Variants in RAB39A observed in about 807,000 individuals in gnomAD.
RAB39A encodes RAB39A, member RAS oncogene family.
RAB39A carries 17 observed loss-of-function variants against 20.9 expected under a neutral mutation model. The ratio of observed to expected loss-of-function variants is 0.81; its 90% confidence interval spans 0.56 to 1.22. The LOEUF (loss-of-function observed/expected upper bound fraction) is 1.22, where lower values mean the gene tolerates loss of function less well. RAB39A is among the 50% of genes most tolerant of loss of function. The pLI is 0.00. For synonymous variants in RAB39A, 99 were observed against 103.4 expected (o/e 0.96, Z 0.26); for missense variants, 234 against 270.5 (o/e 0.87, Z 0.95).
intron 1 of RAB39A, among the ~76,000 whole-genome samples, chr11:107,936,235 C>G (rs558764352): frequency 6.6e-6 from 1 of 152,160 alleles, no homozygotes; most frequent in Non-Finnish European, 1.5e-5. Context: ...TGGAGTCACT[C>G]TGGTTCGAAT....
At chr11:107,956,211 A>T (rs530832593) in intron 1 of RAB39A, among the ~76,000 whole-genome samples, 1 of 151,878 alleles carries the variant, frequency 6.6e-6, no homozygotes, top group African/African-American at 2.4e-5. Flanking sequence ...AAACTTCCTC[A>T]CTCTCTCTGA....
At position 107,928,966 on chromosome 11, in the gene RAB39A, G is replaced by A. The variant is rs1018123543; in HGVS notation, c.227+171G>A. Among the ~76,000 whole-genome samples, 3 of 152,014 alleles carry A rather than the reference G, an allele frequency of 2.0e-5. No individual in the cohort carries two copies. Among genetic ancestry groups the A allele is most frequent in the Middle Eastern group, 3.2e-3 (1 of 316 alleles). On this transcript the variant is annotated intron_variant, in intron 1 of 1. Transcript: ENST00000320578. The surrounding 1 kb of genome is among the most constrained non-coding windows in gnomAD (Gnocchi z 4.9). The stretch of plus-strand genomic sequence containing the variant: ...CCTTTGCCCCTCCTCTTCCAGGGAC[G>A]ACTTCCTCCTCCGCAATTTCTCACT...
At chr11:107,949,957 G>C (rs1861358513) in intron 1 of RAB39A, among the ~76,000 whole-genome samples, 1 of 152,090 alleles carries the variant, frequency 6.6e-6, no homozygotes, top group South Asian at 2.1e-4. Context: ...CGTATTACAA[G>C]GTGAGGAGAT....
chr11:107,932,773 A>G (rs750530735), intron 1 of RAB39A, among the ~76,000 whole-genome samples: 3 of 152,102 alleles, frequency 2.0e-5, no homozygotes, highest in Non-Finnish European at 4.4e-5. Context: ...TGTGGTGGCC[A>G]GATCTTAGCT....
chr11:107,947,678 A>G (rs1348714952), intron 1 of RAB39A, among the ~76,000 whole-genome samples: 1 of 151,990 alleles, frequency 6.6e-6, no homozygotes, highest in Non-Finnish European at 1.5e-5. Context: ...GAGAGAAAAA[A>G]CAGGACACAT....
At chr11:107,947,694 A>G (rs1861332462) in intron 1 of RAB39A, among the ~76,000 whole-genome samples, 1 of 151,930 alleles carries the variant, frequency 6.6e-6, no homozygotes, top group Non-Finnish European at 1.5e-5. Context: ...CACATTATAA[A>G]AAAGATCGAT....
At chr11:107,933,683 T>G (rs1397596175) in intron 1 of RAB39A, among the ~76,000 whole-genome samples, 1 of 149,904 alleles carries the variant, frequency 6.7e-6, no homozygotes, top group Non-Finnish European at 1.5e-5. Flanking sequence ...GTGATTCTTT[T>G]TTTTTTTTTG....
chr11:107,940,722 C>T (rs950698006), intron 1 of RAB39A, among the ~76,000 whole-genome samples: 1 of 152,044 alleles, frequency 6.6e-6, no homozygotes, highest in African/African-American at 2.4e-5. Flanking sequence ...CCTGTAATCC[C>T]AGCACTTTGG....
rs367712436 is a variant in RAB39A at position 107,928,553 on chromosome 11, G to A, written c.-16G>A. 1 of 1,444,926 alleles carries A rather than the reference G, an allele frequency of 6.9e-7. No individual in the cohort carries two copies. Among genetic ancestry groups the A allele is most frequent in the Non-Finnish European group, 9.3e-7 (1 of 1,079,530 alleles). The allele number at this position is 1,444,926 out of a possible 1,614,324, so 89.5% of individuals were successfully genotyped here. ...CGCGGGTGGGGCGGCCCGGGAGCCA[G>A]CGGGGCACGTGAGCGATGGAGACCA... On this transcript the variant is annotated 5_prime_UTR_variant, in exon 1 of 2. Coordinates refer to ENST00000320578, the MANE Select transcript of RAB39A (RefSeq NM_017516.3). The surrounding 1 kb of genome is among the most constrained non-coding windows in gnomAD (Gnocchi z 4.9).
intron 1 of RAB39A, among the ~76,000 whole-genome samples, chr11:107,933,876 G>T (rs879641280): frequency 3.3e-5 from 5 of 151,174 alleles, no homozygotes; most frequent in Non-Finnish European, 7.4e-5. Flanking sequence ...GGCTGGTCTC[G>T]AACTCCTGAC....
intron 1 of RAB39A, among the ~76,000 whole-genome samples, chr11:107,937,796 G>C (rs1002171558): frequency 6.6e-6 from 1 of 152,086 alleles, no homozygotes; most frequent in Non-Finnish European, 1.5e-5. Flanking sequence ...CTCAGTCTCT[G>C]AGCCTCTTAT....
At chr11:107,958,682 T>A (rs747480484) in intron 1 of RAB39A, among the ~76,000 whole-genome samples, 4 of 152,274 alleles carry the variant, frequency 2.6e-5, no homozygotes, top group Admixed American at 1.3e-4. Flanking sequence ...TTTTTTATAA[T>A]GTGTATTACA....
At position 107,928,453 on chromosome 11, in the gene RAB39A, C is replaced by G; in HGVS notation, c.-116C>G. On this transcript the variant is annotated 5_prime_UTR_variant, in exon 1 of 2. Transcript: ENST00000320578. The surrounding 1 kb of genome is among the most constrained non-coding windows in gnomAD (Gnocchi z 4.9). The stretch of plus-strand genomic sequence containing the variant: ...GGGCACCAGGCGGCGGCCGCAGCCG[C>G]AGGAATATGCTGGAAGGCGGCGGGC... 1 of 724,864 alleles carries G rather than the reference C, an allele frequency of 1.4e-6. No homozygotes were observed. Among genetic ancestry groups the G allele is most frequent in the African/African-American group, 1.8e-5 (1 of 54,402 alleles). 44.9% of individuals were successfully genotyped at this position (724,864 alleles called of 1,614,324 possible).
intron 1 of RAB39A, among the ~76,000 whole-genome samples, chr11:107,931,647 T>C (rs1861138085): frequency 6.6e-6 from 1 of 152,164 alleles, no homozygotes; most frequent in Non-Finnish European, 1.5e-5. Context: ...CTGTAGGTCA[T>C]GAAGATGTAT....
rs143032892 is a variant in RAB39A at position 107,962,438 on chromosome 11, A to T, written c.*66A>T. The T allele has an allele frequency of 0.012, 16,744 of 1,383,624 alleles. 126 individuals carry two copies. The highest frequency in any genetic ancestry group is 0.021 in the Middle Eastern group (114 of 5,368). The allele number at this position is 1,383,624 out of a possible 1,614,324, so 85.7% of individuals were successfully genotyped here. On this transcript the variant is annotated 3_prime_UTR_variant, in exon 2 of 2. Transcript: ENST00000320578. ...TCAGTTCAGGATAAATACCAACATT[A>T]ACAGCAGAATGATGCAATGAAAGAA... is the stretch of plus-strand genomic sequence containing the variant.
At chr11:107,950,495 G>A (rs1332940123) in intron 1 of RAB39A, among the ~76,000 whole-genome samples, 2 of 152,104 alleles carry the variant, frequency 1.3e-5, no homozygotes, top group South Asian at 2.1e-4. Flanking sequence ...GTCTGGGCGC[G>A]GTGGCTCATG....
intron 1 of RAB39A, among the ~76,000 whole-genome samples, chr11:107,952,851 C>T (rs1369989446): frequency 6.6e-6 from 1 of 152,174 alleles, no homozygotes; most frequent in African/African-American, 2.4e-5. Flanking sequence ...CCATTGCACT[C>T]CAGCCTGGTG....
intron 1 of RAB39A, among the ~76,000 whole-genome samples, chr11:107,944,860 G>T (rs150772741): frequency 1.8e-3 from 267 of 152,214 alleles, no homozygotes; most frequent in African/African-American, 5.8e-3. Context: ...TCAGTAGTAA[G>T]AGGACAGTAG....
At chr11:107,929,291 T>G (rs1861114299) in intron 1 of RAB39A, among the ~76,000 whole-genome samples, 1 of 152,214 alleles carries the variant, frequency 6.6e-6, no homozygotes, top group South Asian at 2.1e-4. Context: ...ATCCTTTAGC[T>G]TCACAGCAAG....
Sources: gnomAD v4.1 joint callset for allele counts (sites outside exome capture counted in the v4.1 genomes callset) on GRCh38, gnomAD v4.1.1 for gene constraint, Gnocchi (gnomAD v3.1) non-coding constraint, MANE v1.5 for transcripts, NCBI Gene and HGNC (gene_info 2026-07-23, HGNC 2026-07-21) for gene names.